The following TMEM17 variants were observed in gnomAD, a reference collection of about 807,000 sequenced individuals.
The protein encoded by TMEM17 is transmembrane protein 17.
A neutral mutation model predicts 19.1 loss-of-function variants in TMEM17; 15 were observed. The ratio of observed to expected loss-of-function variants is 0.78; its 90% CI spans 0.52 to 1.21. The LOEUF (loss-of-function observed/expected upper bound fraction) is 1.21, where lower values mean the gene tolerates loss of function less well. Among genes scored for constraint, TMEM17 ranks in the 50% most tolerant of loss-of-function variants. TMEM17 has a pLI of 0.00. For synonymous variants in TMEM17, 103 were observed against 86.9 expected (o/e 1.19, Z -1.03); for missense variants, 245 against 242.3 (o/e 1.01, Z -0.07).
At chr2:62,466,761 G>A in the TMEM17 span, among the ~76,000 whole-genome samples, 2 of 152,190 alleles carry the variant, frequency 1.3e-5, no homozygotes, top group Non-Finnish European at 2.9e-5. Context: ...CTCTGAGAGG[G>A]GGAGCTACAG....
the TMEM17 span, among the ~76,000 whole-genome samples, chr2:62,485,995 C>T: frequency 2.6e-5 from 4 of 152,128 alleles, no homozygotes; most frequent in Non-Finnish European, 5.9e-5. Flanking sequence ...TTTTAGTAAG[C>T]AGACCAGATG....
At chr2:62,458,580 G>A in the TMEM17 span, among the ~76,000 whole-genome samples, 3 of 152,198 alleles carry the variant, frequency 2.0e-5, no homozygotes, top group African/African-American at 7.2e-5. Flanking sequence ...TTGTGGTAAC[G>A]CATGGGGTGC....
At chr2:62,468,371 C>T in the TMEM17 span, among the ~76,000 whole-genome samples, 1 of 152,182 alleles carries the variant, frequency 6.6e-6, no homozygotes, top group African/African-American at 2.4e-5. Context: ...ATGGAAAAGA[C>T]CCTAAAAATT....
chr2:62,489,220 G>C, the TMEM17 span, among the ~76,000 whole-genome samples: 2 of 152,222 alleles, frequency 1.3e-5, no homozygotes, highest in African/African-American at 2.4e-5. Flanking sequence ...AATGACAAGG[G>C]AAGGAATGTT....
the TMEM17 span, among the ~76,000 whole-genome samples, chr2:62,478,908 G>A: frequency 6.6e-6 from 1 of 152,126 alleles, no homozygotes; most frequent in Non-Finnish European, 1.5e-5. Flanking sequence ...AGGGAGATTG[G>A]GGGGAGTTTA....
chr2:62,498,687 G>A (rs1679836948), downstream of TMEM17, among the ~76,000 whole-genome samples: 1 of 147,408 alleles, frequency 6.8e-6, no homozygotes, highest in Admixed American at 6.7e-5. Flanking sequence ...CTGCACTCCA[G>A]CCTGGGCGAC....
chr2:62,477,513 C>T, the TMEM17 span, among the ~76,000 whole-genome samples: 1 of 152,248 alleles, frequency 6.6e-6, no homozygotes, highest in Non-Finnish European at 1.5e-5. Context: ...TTAACTCCCT[C>T]ACAGTCAGAG....
chr2:62,466,695 A>G, the TMEM17 span, among the ~76,000 whole-genome samples: 64,126 of 152,068 alleles, frequency 0.42, 14,536 homozygotes, highest in East Asian at 0.67. Context: ...GACCAACTGG[A>G]GGACCTGGGA....
chr2:62,498,473 T>C (rs1264521844), downstream of TMEM17, among the ~76,000 whole-genome samples: 1 of 150,938 alleles, frequency 6.6e-6, no homozygotes, highest in Non-Finnish European at 1.5e-5. Flanking sequence ...TCCCAGCACT[T>C]TGGGAGGCCG....
At chr2:62,505,365 GGGA>G (rs962432630) in intron 1 of TMEM17, among the ~76,000 whole-genome samples, 28 of 152,214 alleles carry the variant, frequency 1.8e-4, no homozygotes, top group African/African-American at 6.5e-4. Flanking sequence ...TTACATATAG[GGGA>G]GGAGGAGAAG....
chr2:62,502,695 A>C lies in TMEM17; in HGVS notation c.200T>G (p.Met67Arg). The change falls in exon 2 of 4, where the codon ATG becomes AGG. Residue 67 changes from methionine (M) to arginine (R), a missense_variant. Transcript: ENST00000335390. ...WWVSSIMMLH[M>R]KYSILPDYYK... ...AGTATTAAAGCTTAGATTTACCTTCATGTGAAGCATCATAATGCTGCTCAC... is the reference window on the plus strand; with the variant it reads ...AGTATTAAAGCTTAGATTTACCTTCCTGTGAAGCATCATAATGCTGCTCAC... The C allele has an allele frequency of 6.3e-7, 1 of 1,594,578 alleles. No homozygotes were observed.
rs746519128 is a variant in TMEM17, at chr2:62,506,048, C to G, written c.82G>C (p.Glu28Gln). ...CACTCACCCGGACCCTCATTGGACT[C>G]TGGACCGGTCCGATTGGAATCACTG... Reference protein sequence around the residue: ...VFSDSNRTGPESNEGPENEMV... With the variant: ...VFSDSNRTGPQSNEGPENEMV... The change falls in exon 1 of 4, where the codon GAG becomes CAG. Residue 28 changes from glutamate (E) to glutamine (Q), a missense_variant. Glu to Gln is a conservative substitution (Grantham distance 29, BLOSUM62 2). Transcript: ENST00000335390. The G allele has an allele frequency of 6.8e-6, 11 of 1,610,942 alleles. No individual in the cohort carries two copies. The East Asian group carries it at 1.3e-4, about 20-fold the overall frequency.
At chr2:62,468,121 C>T in the TMEM17 span, among the ~76,000 whole-genome samples, 47 of 152,168 alleles carry the variant, frequency 3.1e-4, no homozygotes, top group Admixed American at 2.6e-3. Flanking sequence ...TTCCCTTTCC[C>T]TCCTCTAGGA....
downstream of TMEM17, among the ~76,000 whole-genome samples, chr2:62,499,734 G>A (rs1267702197): frequency 6.6e-6 from 1 of 152,164 alleles, no homozygotes; most frequent in African/African-American, 2.4e-5. Context: ...AGTTTTTAAT[G>A]CAGCTACAAC....
chr2:62,488,750 C>T, the TMEM17 span, among the ~76,000 whole-genome samples: 1 of 150,214 alleles, frequency 6.7e-6, no homozygotes, highest in Admixed American at 6.6e-5. Context: ...AAGGTTTACA[C>T]TGAGCTGCTG....
downstream of TMEM17, among the ~76,000 whole-genome samples, chr2:62,499,749 C>T (rs1679872131): frequency 6.6e-6 from 1 of 151,984 alleles, no homozygotes. Flanking sequence ...TACAACTGTC[C>T]CTCAGTAAAA....
At chr2:62,479,665 T>A in the TMEM17 span, among the ~76,000 whole-genome samples, 1 of 152,082 alleles carries the variant, frequency 6.6e-6, no homozygotes, top group Non-Finnish European at 1.5e-5. Flanking sequence ...GCCAGCAGAC[T>A]GCTTGAGCCC....
chr2:62,493,472 C>T, the TMEM17 span, among the ~76,000 whole-genome samples: 14 of 152,166 alleles, frequency 9.2e-5, no homozygotes, highest in African/African-American at 3.1e-4. Context: ...AGTGAGATTG[C>T]TATCCTACTT....
At chr2:62,487,500 G>A in the TMEM17 span, among the ~76,000 whole-genome samples, 264 of 152,274 alleles carry the variant, frequency 1.7e-3, 1 homozygote, top group Middle Eastern at 0.01. Context: ...GACATCTCTA[G>A]GGGATCATTA....
Sources: allele counts gnomAD v4.1 joint callset (sites outside exome capture counted in the v4.1 genomes callset), GRCh38; gene constraint gnomAD v4.1.1; transcripts MANE v1.5; gene names NCBI Gene and HGNC (gene_info 2026-07-23, HGNC 2026-07-21).